Variants in ZNF407 observed in about 807,000 individuals in gnomAD.
ZNF407 encodes the protein zinc finger protein 407.
ZNF407 carries 17 observed loss-of-function variants against 131.2 expected under a neutral mutation model. That is an observed-to-expected ratio of 0.13 (90% CI 0.09 to 0.19). The LOEUF is 0.19. ZNF407 is among the 10% of genes least tolerant of loss of function. ZNF407 has a pLI of 1.00. For synonymous variants in ZNF407, 1,156 were observed against 1,062.0 expected, an observed-to-expected ratio of 1.09 and a Z score of -1.72; for missense variants, 2,681 against 2,830.6, an observed-to-expected ratio of 0.95 and a Z score of 1.20.
chr18:74,847,019 G>T (rs969030251), intron 4 of ZNF407, among the ~76,000 whole-genome samples: 3 of 151,966 alleles, frequency 2.0e-5, no homozygotes, highest in Non-Finnish European at 2.9e-5. Flanking sequence ...TTTACATGAA[G>T]TTTTTCTGTT....
intron 1 of ZNF407, among the ~76,000 whole-genome samples, chr18:74,617,162 C>CCACACATATCCATATCACACAG (rs1983348338): frequency 6.7e-6 from 1 of 150,044 alleles, no homozygotes; most frequent in Admixed American, 6.7e-5. Flanking sequence ...TATCCACGCA[C>CCACACATATCCATATCACACAG]CACACACATC....
Position 74,631,325 on chromosome 18 carries a change from A to G in ZNF407, c.306A>G (p.Thr102=), listed in dbSNP as rs1984059150. 1.9e-6 allele frequency: 3 copies of G among 1,614,062 alleles called. No homozygotes were observed. The highest frequency in any genetic ancestry group is 2.5e-6 in the Non-Finnish European group (3 of 1,179,902). Residue 102 remains threonine, a synonymous_variant, in exon 2 of 9, where the codon ACA becomes ACG. Coordinates refer to ENST00000299687, the MANE Select transcript of ZNF407 (RefSeq NM_017757.3). ...TAGAAACTTCTGAGAGCTCAGTCAC[A>G]GAAGGGGGTATTGCATTAGATGAAA... ...CRLETSESSV[T]EGGIALDETG...
chr18:74,953,793 C>T (rs950311665), intron 8 of ZNF407, among the ~76,000 whole-genome samples: 3 of 152,224 alleles, frequency 2.0e-5, no homozygotes, highest in Non-Finnish European at 4.4e-5. Context: ...CCCCTTACTC[C>T]GATGTCATTG....
At chr18:74,989,965 A>T (rs1490860570) in intron 8 of ZNF407, among the ~76,000 whole-genome samples, 2 of 152,208 alleles carry the variant, frequency 1.3e-5, no homozygotes, top group Non-Finnish European at 2.9e-5. Context: ...AATTATGAAA[A>T]TGATATTCTC....
Position 74,630,981 on chromosome 18 carries a change from T to G in ZNF407, c.-39T>G. 12 of 1,550,458 alleles carry G rather than the reference T, an allele frequency of 7.7e-6. No individual in the cohort carries two copies. Among genetic ancestry groups the G allele is most frequent in the Non-Finnish European group, 1.0e-5 (12 of 1,154,742 alleles). ...TTACTTCACAGGTTATGAGTGCCAG[T>G]GAGCCGCCTTAGATAGAAGCATCGT... is the stretch of plus-strand genomic sequence containing the variant. On this transcript the variant is annotated 5_prime_UTR_variant, in exon 2 of 9. Transcript: ENST00000299687.
chr18:74,986,344 AAAGG>A (rs1460489179), intron 8 of ZNF407, among the ~76,000 whole-genome samples: 2 of 152,180 alleles, frequency 1.3e-5, no homozygotes, highest in East Asian at 1.9e-4. Context: ...CTCTGTTACC[AAAGG>A]AAGTATTTTG....
At position 74,877,134 on chromosome 18, in the gene ZNF407, C is replaced by G. The variant is rs1568251570; in HGVS notation, c.4878-63C>G. 8.6e-6 allele frequency: 13 copies of G among 1,504,158 alleles called. No homozygotes were observed. In the East Asian group the frequency reaches 2.9e-4, roughly 34 times the overall value. The allele number at this position is 1,504,158 out of a possible 1,614,324, so 93.2% of individuals were successfully genotyped here. On this transcript the variant is annotated intron_variant, in intron 4 of 8. Coordinates refer to ENST00000299687, the MANE Select transcript of ZNF407 (RefSeq NM_017757.3). ...CACCTCAGGGTTCGCACACGCGCTG[C>G]CTGGGGCCTTCGGTGCTGGTGTGCG...
intron 8 of ZNF407, among the ~76,000 whole-genome samples, chr18:75,013,826 C>G (rs1314277918): frequency 6.6e-6 from 1 of 152,036 alleles, no homozygotes; most frequent in Non-Finnish European, 1.5e-5. Flanking sequence ...TTTTTATCTG[C>G]TGTGTTTTCT....
At chr18:74,903,020 C>G (rs1205103800) in intron 7 of ZNF407, among the ~76,000 whole-genome samples, 1 of 152,158 alleles carries the variant, frequency 6.6e-6, no homozygotes, top group Non-Finnish European at 1.5e-5. Flanking sequence ...TTATGGCTGC[C>G]CTTGCCCCAC....
At chr18:74,727,670 G>A (rs1040560873) in intron 3 of ZNF407, among the ~76,000 whole-genome samples, 36 of 152,142 alleles carry the variant, frequency 2.4e-4, no homozygotes, top group African/African-American at 8.0e-4. Flanking sequence ...AACCTTCCCC[G>A]AATATATGTT....
intron 3 of ZNF407, among the ~76,000 whole-genome samples, chr18:74,657,449 AAG>A (rs1169667462): frequency 2.0e-5 from 3 of 151,082 alleles, no homozygotes; most frequent in African/African-American, 7.3e-5. Flanking sequence ...TAGGGAAAAA[AAG>A]AGAGAGTGAA....
At chr18:74,765,435 T>TAC (rs1295968610) in intron 3 of ZNF407, among the ~76,000 whole-genome samples, 4 of 152,212 alleles carry the variant, frequency 2.6e-5, no homozygotes, top group Non-Finnish European at 5.9e-5. Flanking sequence ...GCAGTTAATT[T>TAC]ACATGAAAAT....
chr18:74,826,768 C>A lies in ZNF407; in HGVS notation c.4877+45266C>A, dbSNP rs1022773557. Among the ~76,000 whole-genome samples, 9 of 152,312 alleles carry A rather than the reference C, an allele frequency of 5.9e-5. 1 individual carries two copies. Among genetic ancestry groups the A allele is most frequent in the Admixed American group, 1.3e-4 (2 of 15,304 alleles). On this transcript the variant is annotated intron_variant, in intron 4 of 8. Coordinates refer to ENST00000299687, the MANE Select transcript of ZNF407 (RefSeq NM_017757.3). ...TATCAGTAAGCAGTGATGTCATCTT[C>A]ACTGGCAGCATGAGGGTTAACGTAC...
At chr18:74,786,555 A>G (rs1969716458) in intron 4 of ZNF407, among the ~76,000 whole-genome samples, 1 of 152,000 alleles carries the variant, frequency 6.6e-6, no homozygotes, top group Non-Finnish European at 1.5e-5. Context: ...ATATTTACAC[A>G]AGAAATAATT....
chr18:74,818,666 C>A (rs1970299357), intron 4 of ZNF407, among the ~76,000 whole-genome samples: 1 of 152,062 alleles, frequency 6.6e-6, no homozygotes, highest in African/African-American at 2.4e-5. Context: ...TTGGCTAAAT[C>A]AAAAATCAAA....
At chr18:74,985,438 T>C (rs908718987) in intron 8 of ZNF407, among the ~76,000 whole-genome samples, 1 of 152,242 alleles carries the variant, frequency 6.6e-6, no homozygotes, top group African/African-American at 2.4e-5. Flanking sequence ...AAGTGTTTAT[T>C]AATAGGAACT....
intron 8 of ZNF407, among the ~76,000 whole-genome samples, chr18:74,977,236 C>T (rs1390925800): frequency 6.6e-6 from 1 of 152,216 alleles, no homozygotes; most frequent in Non-Finnish European, 1.5e-5. Context: ...AATCAAGCAA[C>T]TTGTATTCAT....
intron 8 of ZNF407, among the ~76,000 whole-genome samples, chr18:75,022,473 T>C (rs4891220): frequency 0.17 from 26,170 of 152,172 alleles, 2,473 homozygotes; most frequent in Admixed American, 0.28. Flanking sequence ...TTCTGGATAT[T>C]GTTTCACATT....
intron 8 of ZNF407, among the ~76,000 whole-genome samples, chr18:74,990,310 G>A (rs927008369): frequency 6.6e-6 from 1 of 152,198 alleles, no homozygotes; most frequent in Non-Finnish European, 1.5e-5. Context: ...AGTTTACTGT[G>A]ACTGGCTTTG....
Sources: gnomAD v4.1 joint callset for allele counts (sites outside exome capture counted in the v4.1 genomes callset) on GRCh38, gnomAD v4.1.1 for gene constraint, MANE v1.5 for transcripts, NCBI Gene and HGNC (gene_info 2026-07-23, HGNC 2026-07-21) for gene names.